FSIP1: variants seen among roughly 807,000 people sequenced by gnomAD.
The protein encoded by FSIP1 is fibrous sheath interacting protein 1, also known as fibrous sheath-interacting protein 1.
In FSIP1, 65 loss-of-function variants were observed where a neutral mutation model predicts 60.9. The observed-to-expected ratio is 1.07, with a 90% confidence interval of 0.87 to 1.31. FSIP1 has a LOEUF of 1.31. Among genes scored for constraint, FSIP1 ranks in the 40% most tolerant of loss-of-function variants. The pLI, the probability that FSIP1 is intolerant of heterozygous loss-of-function variation, is 0.00. For missense variants in FSIP1, 675 were observed against 665.5 expected, an observed-to-expected ratio of 1.01 and a Z score of -0.16; for synonymous variants, 209 against 221.2, an observed-to-expected ratio of 0.94 and a Z score of 0.49.
downstream of FSIP1, chr15:39,598,053 CGT>C (rs1353834347): frequency 2.0e-5 from 3 of 152,134 alleles, no homozygotes; most frequent in Non-Finnish European, 4.4e-5. Flanking sequence ...TCCATAAATG[CGT>C]GTGTGTCTAA....
chr15:39,680,115 C>T (rs1018342313), intron 10 of FSIP1, among the ~76,000 whole-genome samples: 15 of 151,894 alleles, frequency 9.9e-5, no homozygotes, highest in African/African-American at 3.6e-4. Context: ...AAATTCTAGA[C>T]CATGGGGAGA....
chr15:39,737,403 G>T (rs114381460), intron 8 of FSIP1, among the ~76,000 whole-genome samples: 1 of 152,168 alleles, frequency 6.6e-6, no homozygotes, highest in African/African-American at 2.4e-5. Context: ...GGAACAGGAC[G>T]GAATTCTTTA....
chr15:39,763,886 C>T lies in FSIP1; in HGVS notation c.494G>A (p.Ser165Asn). ...TTTTGTATTTTCCATCTCCTCTTTACTTTGCCAAGCTTCACTATATTTTGC... is the reference window on the plus strand; with the variant it reads ...TTTTGTATTTTCCATCTCCTCTTTATTTTGCCAAGCTTCACTATATTTTGC... ...KSAKYSEAWQ[S>N]KEEMENTKKF... The change falls in exon 5 of 12, where the codon AGT becomes AAT. Residue 165 changes from serine (S) to asparagine (N), a missense_variant. By Grantham distance (46) the Ser-to-Asn change is conservative (BLOSUM62 1). Transcript: ENST00000350221. 1.3e-6 allele frequency: 2 copies of T among 1,596,212 alleles called. No individual in the cohort carries two copies. Among genetic ancestry groups the T allele is most frequent in the Non-Finnish European group, 1.7e-6 (2 of 1,164,666 alleles).
chr15:39,748,368 C>G (rs1410435586), intron 5 of FSIP1, among the ~76,000 whole-genome samples: 1 of 152,150 alleles, frequency 6.6e-6, no homozygotes, highest in African/African-American at 2.4e-5. Flanking sequence ...AACAGTCCTT[C>G]TTTTCAAGTG....
At position 39,671,770 on chromosome 15, in the gene FSIP1, T is replaced by C. The variant is rs529865895; in HGVS notation, c.1188+41674A>G. Reference sequence around the variant, plus strand: ...GACTTAAAAACCCAAAATACAGTCATGAAGCCCACGTATCTAAATATTCCT... The same window carrying C: ...GACTTAAAAACCCAAAATACAGTCACGAAGCCCACGTATCTAAATATTCCT... On this transcript the variant is annotated intron_variant, in intron 10 of 11. Coordinates refer to ENST00000350221, the MANE Select transcript of FSIP1 (RefSeq NM_152597.5). 4.2e-4 allele frequency among the ~76,000 whole-genome samples: 64 copies of C among 152,294 alleles called. 1 individual carries two copies. In the South Asian group the frequency reaches 0.013, roughly 32 times the overall value.
At chr15:39,651,736 C>A (rs1409055503) in intron 10 of FSIP1, among the ~76,000 whole-genome samples, 6 of 152,186 alleles carry the variant, frequency 3.9e-5, no homozygotes, top group Admixed American at 6.5e-5. Flanking sequence ...CTGGAGATTA[C>A]CTCACTTCGA....
intron 10 of FSIP1, among the ~76,000 whole-genome samples, chr15:39,645,864 G>A (rs1353905390): frequency 6.6e-6 from 1 of 152,234 alleles, no homozygotes; most frequent in African/African-American, 2.4e-5. Context: ...ACGGCAGCAG[G>A]AGGCAGACAG....
intron 10 of FSIP1, among the ~76,000 whole-genome samples, chr15:39,659,370 G>A (rs7167630): frequency 0.014 from 2,144 of 151,990 alleles, 49 homozygotes; most frequent in African/African-American, 0.049. Flanking sequence ...GTGAAACCCC[G>A]TCTCTACTAA....
At chr15:39,779,613 G>C (rs1050098523) in intron 1 of FSIP1, among the ~76,000 whole-genome samples, 5 of 152,192 alleles carry the variant, frequency 3.3e-5, no homozygotes, top group African/African-American at 1.2e-4. Context: ...TACATAATGA[G>C]CATTTTCTTA....
chr15:39,746,172 T>C, intron 5 of FSIP1, among the ~76,000 whole-genome samples: 1 of 152,010 alleles, frequency 6.6e-6, no homozygotes, highest in East Asian at 1.9e-4. Context: ...ATTTCCAGAA[T>C]CTGGAAAAAA....
At chr15:39,693,402 G>A (rs1894682883) in intron 10 of FSIP1, among the ~76,000 whole-genome samples, 3 of 152,172 alleles carry the variant, frequency 2.0e-5, no homozygotes. Context: ...CACACTCCAT[G>A]ATCATGGGCC....
intron 10 of FSIP1, among the ~76,000 whole-genome samples, chr15:39,706,241 T>A (rs1595638461): frequency 6.6e-6 from 1 of 152,208 alleles, no homozygotes; most frequent in East Asian, 1.9e-4. Context: ...ATATGAATCA[T>A]ATTATAGCTG....
chr15:39,738,956 C>G (rs1896710534), intron 7 of FSIP1, among the ~76,000 whole-genome samples: 1 of 152,358 alleles, frequency 6.6e-6, no homozygotes, highest in African/African-American at 2.4e-5. Context: ...CTTGTCAATA[C>G]TCCACACTCG....
intron 10 of FSIP1, among the ~76,000 whole-genome samples, chr15:39,707,542 G>C (rs1436389298): frequency 6.6e-6 from 1 of 151,954 alleles, no homozygotes; most frequent in Non-Finnish European, 1.5e-5. Flanking sequence ...CATCTTCAAT[G>C]TTGCCCTCCA....
chr15:39,735,717 G>A (rs936433681), intron 8 of FSIP1, among the ~76,000 whole-genome samples: 17 of 151,488 alleles, frequency 1.1e-4, no homozygotes, highest in East Asian at 9.7e-4. Context: ...TAACTTTTTC[G>A]CTCTCTTATA....
intron 3 of FSIP1, among the ~76,000 whole-genome samples, 191 bp downstream of exon 3, chr15:39,770,236 T>A (rs576499870): frequency 6.6e-6 from 1 of 152,218 alleles, no homozygotes; most frequent in Non-Finnish European, 1.5e-5. Context: ...TCTAATATAT[T>A]TAAGGGCTCT....
chr15:39,626,352 C>G, intron 10 of FSIP1, among the ~76,000 whole-genome samples: 1 of 152,156 alleles, frequency 6.6e-6, no homozygotes, highest in African/African-American at 2.4e-5. Flanking sequence ...TCTTCCCAAA[C>G]AGGGGTTCAT....
intron 10 of FSIP1, among the ~76,000 whole-genome samples, chr15:39,648,980 A>C (rs953868143): frequency 3.3e-5 from 5 of 151,842 alleles, no homozygotes; most frequent in African/African-American, 1.2e-4. Context: ...TAACTTATGG[A>C]AAATATTTCA....
At chr15:39,648,150 C>T (rs1329951380) in intron 10 of FSIP1, among the ~76,000 whole-genome samples, 1 of 133,914 alleles carries the variant, frequency 7.5e-6, no homozygotes, top group Non-Finnish European at 1.6e-5. Context: ...CACATGTACC[C>T]TAAAACTTAA....
Sources: allele counts gnomAD v4.1 joint callset (sites outside exome capture counted in the v4.1 genomes callset), GRCh38; gene constraint gnomAD v4.1.1; transcripts MANE v1.5; gene names NCBI Gene and HGNC (gene_info 2026-07-23, HGNC 2026-07-21).